SSRP1: variants seen among roughly 807,000 people sequenced by gnomAD.
SSRP1 encodes structure specific recognition protein 1, also known as FACT complex subunit SSRP1.
Under a neutral mutation model 84.4 loss-of-function variants are expected in SSRP1, and 21 were observed. The observed-to-expected ratio is 0.25, with a 90% CI of 0.18 to 0.36. SSRP1 has a LOEUF of 0.36. Ranked by LOEUF, SSRP1 falls within the 10% of genes least tolerant of loss-of-function variation. The pLI is 1.00. For synonymous variants in SSRP1, 319 were observed against 318.3 expected, an observed-to-expected ratio of 1.00 and a Z score of -0.02; for missense variants, 519 against 900.8, an observed-to-expected ratio of 0.58 and a Z score of 5.43.
chr11:57,328,490 A>G, intron 12 of SSRP1, 64 bp from the exon 13 acceptor site: 15 of 1,598,292 alleles, frequency 9.4e-6, no homozygotes, highest in Non-Finnish European at 1.2e-5. Flanking sequence ...GCCTCAGGAC[A>G]GGAGGAAGAC....
Position 57,326,407 on chromosome 11 carries a change from C to T in SSRP1, c.2130G>A (p.Ter710=). 1.1e-5 allele frequency: 18 copies of T among 1,614,166 alleles called. No homozygotes were observed. Among genetic ancestry groups the T allele is most frequent in the Non-Finnish European group, 1.5e-5 (18 of 1,180,002 alleles). ...GCGCAAAGAGAACCTTCCTCCGTTT[C>T]TACTCATCGGATCCTGACGCTGAGT... ...SEDSASGSDE[*] Residue 710 remains the stop codon, a stop_retained_variant, in exon 17 of 17, where the codon TAG becomes TAA. Coordinates refer to ENST00000278412, the MANE Select transcript of SSRP1 (RefSeq NM_003146.3).
At position 57,333,417 on chromosome 11, in the gene SSRP1, G is replaced by A. The variant is rs1452784934; in HGVS notation, c.346+18C>T. 8 of 1,604,512 alleles carry A rather than the reference G, an allele frequency of 5.0e-6. No homozygotes were observed. The highest frequency in any genetic ancestry group is 6.8e-6 in the Non-Finnish European group (8 of 1,171,486). On this transcript the variant is annotated intron_variant, in intron 4 of 16. Coordinates refer to ENST00000278412, the MANE Select transcript of SSRP1 (RefSeq NM_003146.3). ...ACCCTATCTTCCTCCCCAAACCTCA[G>A]TCTTCCCCAGGACTCACCACCAAAT... is the stretch of plus-strand genomic sequence containing the variant.
chr11:57,332,327 GCA>G lies in SSRP1; in HGVS notation c.873-49_873-48del. On this transcript the variant is annotated intron_variant, in intron 7 of 16. Transcript: ENST00000278412. The surrounding 1 kb of genome is among the most constrained non-coding windows in gnomAD (Gnocchi z 5.5). ...GTCACAACACTACTGCCTTCTAATG[GCA>G]CACCTGTCTCCTGCCTGGACAGTGG... 2 of 1,613,786 alleles carry G rather than the reference GCA, an allele frequency of 1.2e-6. No homozygotes were observed. Among genetic ancestry groups the G allele is most frequent in the South Asian group, 2.2e-5 (2 of 91,064 alleles).
chr11:57,333,495 C>T lies in SSRP1; in HGVS notation c.286G>A (p.Glu96Lys). 1.9e-6 allele frequency: 3 copies of T among 1,614,006 alleles called. No individual in the cohort carries two copies. Among genetic ancestry groups the T allele is most frequent in the Non-Finnish European group, 2.5e-6 (3 of 1,180,040 alleles). Residue 96 changes from glutamate (E) to lysine (K), a missense_variant, in exon 4 of 17, where the codon GAG (glutamate) becomes AAG (lysine). This residue lies in a region of SSRP1 where 88 missense variants were observed against 122.0 expected (regional missense o/e 0.72). Coordinates refer to ENST00000278412, the MANE Select transcript of SSRP1 (RefSeq NM_003146.3). ...SDFFKTHYRL[E>K]LMEKDLCVKG... ...ACACAAAGGTCCTTCTCCATTAGCT[C>T]AAGGCGATAGTGAGTTTTGAAGAAA...
In SSRP1 at chr11:57,335,264, A is replaced by G. The variant is rs964533098; in HGVS notation, c.-119-24T>C. The G allele has an allele frequency of 4.3e-5, 35 of 817,524 alleles. No individual in the cohort carries two copies. Among genetic ancestry groups the G allele is most frequent in the Admixed American group, 3.7e-5 (2 of 54,560 alleles). 50.6% of individuals were successfully genotyped at this position (817,524 alleles called of 1,614,324 possible). On this transcript the variant is annotated intron_variant, in intron 1 of 16. Coordinates refer to ENST00000278412, the MANE Select transcript of SSRP1 (RefSeq NM_003146.3). This position sits in a 1 kb window ranked among gnomAD's most constrained non-coding sequence, Gnocchi z 4.6. ...ATCTGAATTCAAGAGGAAGACAGAT[A>G]AGCATGAAAGACAGCACCTCGCTGT...
rs1856191179 is a variant in SSRP1 at position 57,335,339 on chromosome 11, AG to A, written c.-119-100del. On this transcript the variant is annotated intron_variant, in intron 1 of 16. Coordinates refer to ENST00000278412, the MANE Select transcript of SSRP1 (RefSeq NM_003146.3). This position sits in a 1 kb window ranked among gnomAD's most constrained non-coding sequence, Gnocchi z 4.6. ...ACTCCCAGCTGCGCCTGGATGTCTC[AG>A]GATTTCCTCTGCCTGGAAACCTACA... 1.8e-6 allele frequency: 1 copy of A among 547,202 alleles called. No individual in the cohort carries two copies. Among genetic ancestry groups the A allele is most frequent in the African/African-American group, 1.9e-5 (1 of 52,268 alleles). 33.9% of individuals were successfully genotyped at this position (547,202 alleles called of 1,614,324 possible).
intron 12 of SSRP1, 144 bp downstream of exon 12, chr11:57,329,949 T>A: frequency 9.8e-7 from 1 of 1,020,256 alleles, no homozygotes. Flanking sequence ...TTCCAAAACA[T>A]TTTCGTATAT....
chr11:57,328,947 G>C (rs1856037747), intron 12 of SSRP1: 1 of 152,578 alleles, frequency 6.6e-6, no homozygotes, highest in Admixed American at 6.5e-5. Context: ...TTATGTTTAT[G>C]AACTACAAAA....
chr11:57,332,731 G>T lies in SSRP1; in HGVS notation c.662C>A (p.Thr221Asn), dbSNP rs755802562. ...GGTCTTGCCATGCAGGTGCAGAAAG[G>T]TGGGGTAGATCCGAATGTCATAACG... ...RGRYDIRIYPTFLHLHGKTFD... is the reference protein window; with the variant it reads ...RGRYDIRIYPNFLHLHGKTFD... Residue 221 changes from threonine (T) to asparagine (N), a missense_variant, in exon 6 of 17, where the codon ACC becomes AAC. Coordinates refer to ENST00000278412, the MANE Select transcript of SSRP1 (RefSeq NM_003146.3). The surrounding 1 kb of genome is among the most constrained non-coding windows in gnomAD (Gnocchi z 5.5). 1 of 1,614,148 alleles carries T rather than the reference G, an allele frequency of 6.2e-7. No individual in the cohort carries two copies. The highest frequency in any genetic ancestry group is 8.5e-7 in the Non-Finnish European group (1 of 1,180,040).
In SSRP1 at chr11:57,332,499, A is replaced by G; in HGVS notation, c.769-13T>C. 6.2e-7 allele frequency: 1 copy of G among 1,613,864 alleles called. No homozygotes were observed. ...GATCCAGGCTGATCTAGTAAGGAAG[A>G]GTACTAATTGACACTCTACAACAAC... On this transcript the variant is annotated splice_polypyrimidine_tract_variant and intron_variant, in intron 6 of 16. Coordinates refer to ENST00000278412, the MANE Select transcript of SSRP1 (RefSeq NM_003146.3). This position sits in a 1 kb window ranked among gnomAD's most constrained non-coding sequence, Gnocchi z 5.5.
intron 13 of SSRP1, 139 bp from the exon 14 acceptor site, chr11:57,328,021 A>G (rs1305458973): frequency 2.7e-6 from 3 of 1,100,114 alleles, no homozygotes; most frequent in Non-Finnish European, 3.8e-6. Context: ...CCCTAAGGGC[A>G]AGGATAGTAT....
chr11:57,326,886 G>A lies in SSRP1; in HGVS notation c.1875C>T (p.Asp625=). ...TTACTTTCTTCTTCTTCTTTGACTT[G>A]TCCCTGTATTGGCAAGAGGGAAGAG... ...EGGRGESSKR[D]KSKKKKKVKV... is the part of the protein sequence containing the mutation. The change falls in exon 16 of 17, where the codon GAC becomes GAT. Residue 625 remains aspartate (D), a synonymous_variant. Transcript: ENST00000278412. 1 of 1,601,484 alleles carries A rather than the reference G, an allele frequency of 6.2e-7. No individual in the cohort carries two copies. Among genetic ancestry groups the A allele is most frequent in the Non-Finnish European group, 8.5e-7 (1 of 1,173,166 alleles).
chr11:57,334,930 G>A (rs973313731), intron 2 of SSRP1, 138 bp downstream of exon 2: 11 of 1,001,724 alleles, frequency 1.1e-5, no homozygotes, highest in African/African-American at 1.6e-5. Context: ...GCCTTGAGTT[G>A]GTGGAGACAC....
chr11:57,326,145 G>C lies in SSRP1; in HGVS notation c.*262C>G. 1 of 540,562 alleles carries C rather than the reference G, an allele frequency of 1.8e-6. No homozygotes were observed. The highest frequency in any genetic ancestry group is 3.3e-6 in the Non-Finnish European group (1 of 302,392). 33.5% of individuals were successfully genotyped at this position (540,562 alleles called of 1,614,324 possible). ...AAGCAGCAGCTACATCCTTAAGGTC[G>C]GGAAAGTAAGATGAGGATTTGGATC... On this transcript the variant is annotated 3_prime_UTR_variant, in exon 17 of 17. Transcript: ENST00000278412.
rs1317468322 is a variant in SSRP1, at chr11:57,330,323, T to C, written c.1403A>G (p.Asn468Ser). 12 of 1,614,138 alleles carry C rather than the reference T, an allele frequency of 7.4e-6. No individual in the cohort carries two copies. Among genetic ancestry groups the C allele is most frequent in the Non-Finnish European group, 9.3e-6 (11 of 1,180,062 alleles). ...EEGKIREENA[N>S]DSSDDSGEET... ...TTCTCCTGAGTCATCGCTGCTGTCA[T>C]TGGCATTCTCCTCCCGGATCTTGCC... Residue 468 changes from asparagine (N) to serine (S), a missense_variant, in exon 11 of 17, where the codon AAT (asparagine) becomes AGT (serine). Physicochemically the swap from Asn to Ser is conservative, Grantham distance 46. Transcript: ENST00000278412. This position sits in a 1 kb window ranked among gnomAD's most constrained non-coding sequence, Gnocchi z 4.0.
In SSRP1 at chr11:57,330,937, G is replaced by T. The variant is rs776740487; in HGVS notation, c.1224-10C>A. On this transcript the variant is annotated splice_polypyrimidine_tract_variant and intron_variant, in intron 9 of 16. Coordinates refer to ENST00000278412, the MANE Select transcript of SSRP1 (RefSeq NM_003146.3). This position sits in a 1 kb window ranked among gnomAD's most constrained non-coding sequence, Gnocchi z 4.0. Reference sequence around the variant, plus strand: ...TTTCCCGTACTCCTCCCTGTGAGGGGACATGCACCATGTTACCAGAGAGGT... The same window carrying T: ...TTTCCCGTACTCCTCCCTGTGAGGGTACATGCACCATGTTACCAGAGAGGT... 4.3e-6 allele frequency: 7 copies of T among 1,614,078 alleles called. No individual in the cohort carries two copies. The highest frequency in any genetic ancestry group is 5.9e-6 in the Non-Finnish European group (7 of 1,179,928).
intron 4 of SSRP1, 94 bp downstream of exon 4, chr11:57,333,341 A>C: frequency 8.2e-7 from 1 of 1,217,602 alleles, no homozygotes; most frequent in Non-Finnish European, 1.2e-6. Flanking sequence ...AGGAAACCAG[A>C]GACAGTGGCA....
intron 2 of SSRP1, 53 bp from the exon 3 acceptor site, chr11:57,334,701 GTTCTACAGC>G: frequency 6.3e-7 from 1 of 1,590,072 alleles, no homozygotes. Flanking sequence ...CATGTCCTGG[GTTCTACAGC>G]TCTACCTAAC....
At chr11:57,328,650 T>A in intron 12 of SSRP1, 1 of 529,044 alleles carries the variant, frequency 1.9e-6, no homozygotes, top group Non-Finnish European at 3.2e-6. Flanking sequence ...GTTACTTGAT[T>A]GGAATTAATG....
Sources: gnomAD v4.1 joint callset for allele counts on GRCh38, gnomAD v4.1.1 for gene constraint, gnomAD v4.1.1 regional missense constraint, Gnocchi (gnomAD v3.1) non-coding constraint, MANE v1.5 for transcripts, NCBI Gene and HGNC (gene_info 2026-07-23, HGNC 2026-07-21) for gene names.